OTOA: variants seen among roughly 807,000 people sequenced by gnomAD.
The protein encoded by OTOA is otoancorin, also known as cancer/testis antigen 108.
OTOA carries 70 observed loss-of-function variants against 110.8 expected under a neutral mutation model. That is an observed-to-expected ratio of 0.63 (90% CI 0.52 to 0.77). OTOA has a LOEUF of 0.77. OTOA is among the 30% of genes least tolerant of loss of function. OTOA has a pLI of 0.00. For synonymous variants in OTOA, 373 were observed against 431.5 expected, an observed-to-expected ratio of 0.86 and a Z score of 1.68; for missense variants, 917 against 1,075.8, an observed-to-expected ratio of 0.85 and a Z score of 2.06.
chr16:21,670,935 A>G (rs995518886), intron 1 of OTOA, among the ~76,000 whole-genome samples: 1 of 152,086 alleles, frequency 6.6e-6, no homozygotes, highest in Non-Finnish European at 1.5e-5. Flanking sequence ...TGGGGAGGAT[A>G]GCACCTTGGA....
At chr16:21,760,356 A>G (rs1466376145) in intron 28 of OTOA, 114 bp from the exon 29 acceptor site, 16 of 807,622 alleles carry the variant, frequency 2.0e-5, no homozygotes, top group Non-Finnish European at 4.1e-6. Context: ...CGAACAAATC[A>G]AGGCTCTGCA....
At chr16:21,723,606 A>G (rs921650440) in intron 18 of OTOA, among the ~76,000 whole-genome samples, 11 of 152,210 alleles carry the variant, frequency 7.2e-5, no homozygotes, top group Admixed American at 7.2e-4. Flanking sequence ...TCAGGTTGAT[A>G]TTTGGTTGAA....
At chr16:21,709,160 G>A (rs1380763239) in intron 12 of OTOA, among the ~76,000 whole-genome samples, 1 of 152,162 alleles carries the variant, frequency 6.6e-6, no homozygotes, top group East Asian at 1.9e-4. Flanking sequence ...GGCTGGATGT[G>A]GTGGCTCATG....
intron 8 of OTOA, among the ~76,000 whole-genome samples, chr16:21,689,447 GGA>G (rs752402037): frequency 2.7e-4 from 41 of 152,102 alleles, no homozygotes; most frequent in Non-Finnish European, 4.6e-4. Flanking sequence ...AACATCATTG[GGA>G]GAGAGAGTTT....
rs570055096 is a variant in OTOA at position 21,686,842 on chromosome 16, A to G, written c.400-571A>G. ...CAGGAGGTTGAGGCTGCAGTGAGCT[A>G]TAATCACACCACTGCACTGCGGACT... is the stretch of plus-strand genomic sequence containing the variant. On this transcript the variant is annotated intron_variant, in intron 7 of 28. Coordinates refer to ENST00000646100, the MANE Select transcript of OTOA (RefSeq NM_144672.4). 3.9e-5 allele frequency among the ~76,000 whole-genome samples: 6 copies of G among 152,278 alleles called. No homozygotes were observed. In the East Asian group the frequency reaches 9.7e-4, roughly 25 times the overall value.
At chr16:21,681,275 A>G (rs1463974707) in intron 5 of OTOA, among the ~76,000 whole-genome samples, 2 of 152,190 alleles carry the variant, frequency 1.3e-5, no homozygotes, top group Admixed American at 6.5e-5. Context: ...AAACTATCCT[A>G]TCACTGTGCC....
At chr16:21,690,420 C>A (rs537730666) in intron 8 of OTOA, among the ~76,000 whole-genome samples, 2 of 152,028 alleles carry the variant, frequency 1.3e-5, no homozygotes, top group East Asian at 3.9e-4. Context: ...GTTCAGCTTC[C>A]ACTTACAAGT....
chr16:21,709,609 C>A (rs1898292859), intron 12 of OTOA, among the ~76,000 whole-genome samples: 1 of 152,070 alleles, frequency 6.6e-6, no homozygotes, highest in South Asian at 2.1e-4. Flanking sequence ...TTCTTTCTGA[C>A]ATGGATTAAG....
chr16:21,690,969 C>T (rs1417926542), intron 8 of OTOA, among the ~76,000 whole-genome samples: 6 of 143,266 alleles, frequency 4.2e-5, no homozygotes, highest in African/African-American at 1.6e-4. Flanking sequence ...CACCCCCTCC[C>T]CCCACCCCCC....
intron 6 of OTOA, chr16:21,684,339 A>C (rs1258221876): frequency 7.3e-7 from 1 of 1,371,708 alleles, no homozygotes. Flanking sequence ...TTTAGAGAAC[A>C]ATTCCCCAGA....
intron 13 of OTOA, among the ~76,000 whole-genome samples, chr16:21,712,722 G>A (rs1287160057): frequency 1.3e-5 from 2 of 151,760 alleles, no homozygotes; most frequent in Non-Finnish European, 2.9e-5. Flanking sequence ...GCGGGTGCCT[G>A]TAGTCCCAGC....
intron 12 of OTOA, 26 bp from the exon 13 acceptor site, chr16:21,709,862 C>G: frequency 6.3e-7 from 1 of 1,584,392 alleles, no homozygotes; most frequent in Non-Finnish European, 8.7e-7. Context: ...CCTGTCAACA[C>G]TCATTCCAGT....
In OTOA at chr16:21,719,437, G is replaced by A. The variant is rs1301600059; in HGVS notation, c.1739G>A (p.Ser580Asn). 4.3e-6 allele frequency: 7 copies of A among 1,614,042 alleles called. No individual in the cohort carries two copies. The highest frequency in any genetic ancestry group is 5.9e-6 in the Non-Finnish European group (7 of 1,180,050). ...ACCTGCTCACACATTGATGCCATGA[G>A]CACTGACTTCTTTCTGGCCCATTTC... ...GVTCSHIDAM[S>N]TDFFLAHFQD... The change falls in exon 17 of 29, where the codon AGC becomes AAC. Residue 580 changes from serine (S) to asparagine (N), a missense_variant. Ser to Asn is a conservative substitution (Grantham distance 46). Transcript: ENST00000646100.
At chr16:21,713,222 C>T (rs1898413792) in intron 13 of OTOA, among the ~76,000 whole-genome samples, 1 of 152,174 alleles carries the variant, frequency 6.6e-6, no homozygotes, top group East Asian at 1.9e-4. Context: ...GCCTTGGCCT[C>T]CCAAAGAGAA....
At position 21,728,338 on chromosome 16, in the gene OTOA, C is replaced by T. The variant is rs771484542; in HGVS notation, c.2114C>T (p.Ala705Val). 2 of 1,614,090 alleles carry T rather than the reference C, an allele frequency of 1.2e-6. No individual in the cohort carries two copies. Among genetic ancestry groups the T allele is most frequent in the Admixed American group, 1.7e-5 (1 of 60,016 alleles). ...AIIDRGISPRAWATALHGLRD... is the reference protein window; with the variant it reads ...AIIDRGISPRVWATALHGLRD... ...ATCGACAGGGGGATCTCCCCCAGGG[C>T]TTGGGCGACTGCTCTACACGGCCTC... Residue 705 changes from alanine to valine, a missense_variant, in exon 20 of 29, where the codon GCT becomes GTT. Physicochemically the swap from Ala to Val is moderately conservative, Grantham distance 64 (BLOSUM62 0). Transcript: ENST00000646100.
At chr16:21,716,828 T>A in intron 14 of OTOA, 79 bp from the exon 15 acceptor site, 2 of 1,557,550 alleles carry the variant, frequency 1.3e-6, no homozygotes, top group Non-Finnish European at 1.8e-6. Context: ...TTTTATTGCC[T>A]GTGATGTAGT....
chr16:21,735,639 G>C (rs1232110490), intron 21 of OTOA, among the ~76,000 whole-genome samples: 1 of 152,038 alleles, frequency 6.6e-6, no homozygotes, highest in African/African-American at 2.4e-5. Context: ...CATCACCCAG[G>C]CTGGAGTGCA....
At position 21,664,041 on chromosome 16, in the gene OTOA, G is replaced by A. The variant is rs1403153318; in HGVS notation, c.-196G>A. On this transcript the variant is annotated 5_prime_UTR_variant, in exon 1 of 29. Transcript: ENST00000646100. ...CTTCGACAGATAGGAAGTCCCAGGC[G>A]GGGACTGTGACCCCCGCCGCTGCCC... is the stretch of plus-strand genomic sequence containing the variant. The A allele has an allele frequency of 6.6e-6, 1 of 152,186 alleles. No homozygotes were observed. Among genetic ancestry groups the A allele is most frequent in the African/African-American group, 2.4e-5 (1 of 41,446 alleles). The allele number at this position is 152,186 out of a possible 1,614,324, so 9.4% of individuals were successfully genotyped here.
chr16:21,733,732 C>T (rs1012759304), intron 21 of OTOA, among the ~76,000 whole-genome samples: 3 of 151,358 alleles, frequency 2.0e-5, no homozygotes, highest in Non-Finnish European at 4.4e-5. Context: ...TGCTAGTCTC[C>T]ACCCAGGATG....
Sources: gnomAD v4.1 joint callset for allele counts (sites outside exome capture counted in the v4.1 genomes callset) on GRCh38, gnomAD v4.1.1 for gene constraint, MANE v1.5 for transcripts, NCBI Gene and HGNC (gene_info 2026-07-23, HGNC 2026-07-21) for gene names.